The following KDM1B variants were observed in gnomAD, a reference collection of about 807,000 sequenced individuals.
KDM1B encodes lysine demethylase 1B, also known as lysine-specific histone demethylase 2.
A neutral mutation model predicts 107.4 loss-of-function variants in KDM1B; 63 were observed. The ratio of observed to expected loss-of-function variants is 0.59; its 90% CI spans 0.48 to 0.72. The LOEUF (loss-of-function observed/expected upper bound fraction) is 0.72. Among genes scored for constraint, KDM1B ranks in the 30% least tolerant of loss-of-function variants. The pLI, the probability that KDM1B is intolerant of heterozygous loss-of-function variation, is 0.00. For missense variants in KDM1B, 749 were observed against 1,020.8 expected (o/e 0.73, Z 3.63); for synonymous variants, 363 against 363.9 (o/e 1.00, Z 0.03).
At chr6:18,195,081 A>G (rs1787552381) in intron 10 of KDM1B, among the ~76,000 whole-genome samples, 1 of 152,198 alleles carries the variant, frequency 6.6e-6, no homozygotes, top group South Asian at 2.1e-4. Context: ...GCTTGGCATA[A>G]TGTTTTCAAG....
chr6:18,179,057 C>G (rs564433823), intron 7 of KDM1B, among the ~76,000 whole-genome samples: 17 of 152,194 alleles, frequency 1.1e-4, no homozygotes, highest in Non-Finnish European at 2.2e-4. Context: ...TGTAGACATT[C>G]TTTATGAGAT....
chr6:18,191,270 G>A lies in KDM1B; in HGVS notation c.858G>A (p.Pro286=), dbSNP rs977728901. 2.6e-5 allele frequency: 41 copies of A among 1,550,600 alleles called. No individual in the cohort carries two copies. Among genetic ancestry groups the A allele is most frequent in the East Asian group, 2.4e-5 (1 of 40,928 alleles). Reference sequence around the variant, plus strand: ...GTGGCAAAGCCCTCTGTGTGAGGCCGGATGTGATGGAACTGGATGAGCTCT... The same window carrying A: ...GTGGCAAAGCCCTCTGTGTGAGGCCAGATGTGATGGAACTGGATGAGCTCT... ...NECGKALCVR[P]DVMELDELYE... The change falls in exon 10 of 22, where the codon CCG becomes CCA. Residue 286 remains proline (P), a synonymous_variant. Transcript: ENST00000650836. The surrounding 1 kb of genome is among the most constrained non-coding windows in gnomAD (Gnocchi z 5.1).
At position 18,200,499 on chromosome 6, in the gene KDM1B, A is replaced by G. The variant is rs1320366361; in HGVS notation, c.1282A>G (p.Lys428Glu). The G allele has an allele frequency of 6.2e-7, 1 of 1,614,112 alleles. No individual in the cohort carries two copies. Among genetic ancestry groups the G allele is most frequent in the East Asian group, 2.2e-5 (1 of 44,868 alleles). ...CCGAGTCTGGGATGATAAATCTTTT[A>G]AAGGCGTCACAGTGGGAAGAGGAGC... Reference protein sequence around the residue: ...GGRVWDDKSFKGVTVGRGAQI... With the variant: ...GGRVWDDKSFEGVTVGRGAQI... The change falls in exon 13 of 22, where the codon AAA (lysine) becomes GAA (glutamate). Residue 428 changes from lysine to glutamate, a missense_variant. Coordinates refer to ENST00000650836, the MANE Select transcript of KDM1B (RefSeq NM_001364614.2). The surrounding 1 kb of genome is among the most constrained non-coding windows in gnomAD (Gnocchi z 4.3).
At chr6:18,160,005 A>G (rs1784870237) in intron 3 of KDM1B, 23 bp downstream of exon 3, 2 of 1,508,232 alleles carry the variant, frequency 1.3e-6, no homozygotes, top group Non-Finnish European at 1.8e-6. Context: ...TATTCATTCA[A>G]CAAGCCTTTT....
chr6:18,221,878 T>C (rs1440746908), intron 21 of KDM1B, 31 bp from the exon 22 acceptor site: 5 of 1,539,672 alleles, frequency 3.2e-6, no homozygotes, highest in Non-Finnish European at 2.7e-6. Flanking sequence ...ACTCTATGCA[T>C]GATCTCAAAT....
chr6:18,200,449 T>C lies in KDM1B; in HGVS notation c.1232T>C (p.Leu411Pro). The C allele has an allele frequency of 6.2e-7, 1 of 1,613,978 alleles. No individual in the cohort carries two copies. Among genetic ancestry groups the C allele is most frequent in the Non-Finnish European group, 8.5e-7 (1 of 1,179,922 alleles). ...TGTCTGTCTTTTTAGGTGACTGTCC[T>C]GGAAGCCAAAGACAGAATTGGAGGC... is the stretch of plus-strand genomic sequence containing the variant. ...LHNFGIKVTVLEAKDRIGGRV... is the reference protein window; with the variant it reads ...LHNFGIKVTVPEAKDRIGGRV... Residue 411 changes from leucine (L) to proline (P), a missense_variant, in exon 13 of 22, where the codon CTG becomes CCG. Leu to Pro is a moderately conservative substitution (Grantham distance 98). Coordinates refer to ENST00000650836, the MANE Select transcript of KDM1B (RefSeq NM_001364614.2). The surrounding 1 kb of genome is among the most constrained non-coding windows in gnomAD (Gnocchi z 4.3).
intron 14 of KDM1B, among the ~76,000 whole-genome samples, chr6:18,202,303 G>A (rs891092158): frequency 1.3e-5 from 2 of 151,888 alleles, no homozygotes; most frequent in East Asian, 3.9e-4. Flanking sequence ...GGAGGCTGAG[G>A]TGGAAGGATA....
intron 20 of KDM1B, among the ~76,000 whole-genome samples, chr6:18,216,552 G>A (rs9396837): frequency 0.16 from 23,838 of 152,126 alleles, 2,192 homozygotes; most frequent in East Asian, 0.25. Flanking sequence ...AATTACAGTC[G>A]CTCTCTCTTA....
Position 18,222,852 on chromosome 6 carries a change from A to G in KDM1B, c.*860A>G, listed in dbSNP as rs544316623. On this transcript the variant is annotated 3_prime_UTR_variant, in exon 22 of 22. Coordinates refer to ENST00000650836, the MANE Select transcript of KDM1B (RefSeq NM_001364614.2). ...AACCAAGCCCCTCTCCACTTCTTTT[A>G]TTTAAAAGCACTGATTCAATTGCTA... 1 of 152,608 alleles carries G rather than the reference A, an allele frequency of 6.6e-6. No individual in the cohort carries two copies. The highest frequency in any genetic ancestry group is 2.1e-4 in the South Asian group (1 of 4,826). The allele number at this position is 152,608 out of a possible 1,614,324, so 9.5% of individuals were successfully genotyped here.
chr6:18,217,433 C>A (rs192074681), intron 20 of KDM1B, among the ~76,000 whole-genome samples: 4 of 146,070 alleles, frequency 2.7e-5, no homozygotes, highest in Admixed American at 2.1e-4. Flanking sequence ...GGCTGGAGTG[C>A]AGTGGCGCGA....
chr6:18,187,719 TGTCCC>T, intron 8 of KDM1B, 68 bp from the exon 9 acceptor site: 1 of 1,005,804 alleles, frequency 9.9e-7, no homozygotes, highest in Non-Finnish European at 1.5e-6. Flanking sequence ...GAGAACCCTC[TGTCCC>T]TGGCAGAATC....
At chr6:18,219,257 T>A (rs1789489954) in intron 21 of KDM1B, among the ~76,000 whole-genome samples, 1 of 152,198 alleles carries the variant, frequency 6.6e-6, no homozygotes, top group Non-Finnish European at 1.5e-5. Context: ...AAGATCCGTC[T>A]CTTTCTTGAT....
At chr6:18,160,659 A>T (rs1784908406) in intron 3 of KDM1B, among the ~76,000 whole-genome samples, 1 of 151,852 alleles carries the variant, frequency 6.6e-6, no homozygotes, top group African/African-American at 2.4e-5. Flanking sequence ...AATGGCGTGA[A>T]CCTGGGAGGT....
Position 18,211,669 on chromosome 6 carries a change from G to A in KDM1B, c.1867-819G>A, listed in dbSNP as rs960005099. 4 of 152,236 alleles carry A rather than the reference G, an allele frequency of 2.6e-5. No individual in the cohort carries two copies. The highest frequency in any genetic ancestry group is 4.4e-5 in the Non-Finnish European group (3 of 68,058). The allele number at this position is 152,236 out of a possible 1,614,324, so 9.4% of individuals were successfully genotyped here. ...GTAATGGCGTCCTGATTGTAGCAAC[G>A]ATAATGGGGTCTGGAGCCAGAAATG... On this transcript the variant is annotated intron_variant, in intron 17 of 21. Transcript: ENST00000650836. The surrounding 1 kb of genome is among the most constrained non-coding windows in gnomAD (Gnocchi z 5.2).
intron 10 of KDM1B, among the ~76,000 whole-genome samples, chr6:18,196,335 T>G (rs997872883): frequency 2.0e-5 from 3 of 152,196 alleles, no homozygotes; most frequent in African/African-American, 4.8e-5. Flanking sequence ...TTTATTTGAC[T>G]ACCCTGCAGT....
In KDM1B at chr6:18,159,781, C is replaced by CTGACATACATTCTTACCTA. The variant is rs1784850665; in HGVS notation, c.-13-101_-13-83dup. On this transcript the variant is annotated intron_variant, in intron 2 of 21. Transcript: ENST00000650836. The surrounding 1 kb of genome is among the most constrained non-coding windows in gnomAD (Gnocchi z 4.5). ...AACTGTAGCTTTGTATTTAGGCAAT[C>CTGACATACATTCTTACCTA]TGACATACATTCTTACCTACCAAAG... 1.5e-6 allele frequency: 1 copy of CTGACATACATTCTTACCTA among 653,650 alleles called. No homozygotes were observed. The highest frequency in any genetic ancestry group is 2.7e-6 in the Non-Finnish European group (1 of 375,394). 40.5% of individuals were successfully genotyped at this position (653,650 alleles called of 1,614,324 possible).
chr6:18,160,494 T>C (rs1486194450), intron 3 of KDM1B, among the ~76,000 whole-genome samples: 1 of 152,182 alleles, frequency 6.6e-6, no homozygotes, highest in Admixed American at 6.5e-5. Flanking sequence ...ATCCCAGCAC[T>C]TTGGGAGTCC....
intron 21 of KDM1B, among the ~76,000 whole-genome samples, chr6:18,219,599 T>C (rs991504655): frequency 6.6e-6 from 1 of 152,220 alleles, no homozygotes. Flanking sequence ...TTTGGATGAT[T>C]TTGCTTTTAT....
At position 18,213,434 on chromosome 6, in the gene KDM1B, C is replaced by T. The variant is rs1267600745; in HGVS notation, c.1984-222C>T. 4.8e-5 allele frequency among the ~76,000 whole-genome samples: 7 copies of T among 146,724 alleles called. No homozygotes were observed. Among genetic ancestry groups the T allele is most frequent in the Admixed American group, 2.7e-4 (4 of 14,670 alleles). ...CTGGGCAACAAGAGCGAAACTCCGT[C>T]TCAAAAAAAAAAAAAACCCAAAAAA... On this transcript the variant is annotated intron_variant, in intron 18 of 21. Transcript: ENST00000650836. This position sits in a 1 kb window ranked among gnomAD's most constrained non-coding sequence, Gnocchi z 5.9.
Sources: gnomAD v4.1 joint callset for allele counts (sites outside exome capture counted in the v4.1 genomes callset) on GRCh38, gnomAD v4.1.1 for gene constraint, Gnocchi (gnomAD v3.1) non-coding constraint, MANE v1.5 for transcripts, NCBI Gene and HGNC (gene_info 2026-07-23, HGNC 2026-07-21) for gene names.